Variants in SLC24A2 observed in about 807,000 individuals in gnomAD.
SLC24A2 encodes the protein sodium/potassium/calcium exchanger 2.
Under a neutral mutation model 62.0 loss-of-function variants are expected in SLC24A2, and 36 were observed. The observed-to-expected ratio is 0.58, with a 90% CI of 0.44 to 0.77. SLC24A2 has a LOEUF of 0.77. Among genes scored for constraint, SLC24A2 ranks in the 30% least tolerant of loss-of-function variants. The pLI is 0.00. For synonymous variants in SLC24A2, 358 were observed against 294.0 expected, an observed-to-expected ratio of 1.22 and a Z score of -2.23; for missense variants, 846 against 817.9, an observed-to-expected ratio of 1.03 and a Z score of -0.42.
At chr9:20,108,591 C>T in the SLC24A2 span, among the ~76,000 whole-genome samples, 44 of 151,784 alleles carry the variant, frequency 2.9e-4, no homozygotes, top group South Asian at 5.0e-3. Flanking sequence ...AGTAAACTAT[C>T]GCAAGAACAA....
chr9:19,714,661 T>C (rs958579397), intron 2 of SLC24A2, among the ~76,000 whole-genome samples: 3 of 152,172 alleles, frequency 2.0e-5, no homozygotes, highest in East Asian at 3.9e-4. Flanking sequence ...ATTTAAGATA[T>C]ACAACATGAT....
chr9:20,113,983 C>G, the SLC24A2 span, among the ~76,000 whole-genome samples: 1 of 152,120 alleles, frequency 6.6e-6, no homozygotes, highest in Non-Finnish European at 1.5e-5. Flanking sequence ...ATGATTGCCC[C>G]CACTTTTTGC....
chr9:19,526,070 C>T (rs936767395), intron 9 of SLC24A2, among the ~76,000 whole-genome samples: 5 of 152,142 alleles, frequency 3.3e-5, no homozygotes, highest in East Asian at 3.9e-4. Context: ...ATAGATTTGC[C>T]TGTTCTGTAT....
chr9:19,530,029 A>G (rs901713205), intron 8 of SLC24A2, among the ~76,000 whole-genome samples: 1 of 151,042 alleles, frequency 6.6e-6, no homozygotes, highest in East Asian at 1.9e-4. Flanking sequence ...CTAGGATTAC[A>G]GGTGTAAGCC....
the SLC24A2 span, among the ~76,000 whole-genome samples, chr9:20,259,584 G>C: frequency 0.025 from 3,871 of 152,220 alleles, 171 homozygotes; most frequent in African/African-American, 0.089. Flanking sequence ...GTTTGGGACA[G>C]AGTCAGAGAC....
At chr9:20,167,207 T>C in the SLC24A2 span, among the ~76,000 whole-genome samples, 1 of 152,118 alleles carries the variant, frequency 6.6e-6, no homozygotes, top group Non-Finnish European at 1.5e-5. Flanking sequence ...AGACTTTGAC[T>C]GTATACATTC....
the SLC24A2 span, among the ~76,000 whole-genome samples, chr9:20,242,566 G>C: frequency 6.3e-4 from 96 of 152,290 alleles, no homozygotes; most frequent in African/African-American, 2.3e-3. Flanking sequence ...GTGAGTGCAG[G>C]GAAGGGCAGG....
the SLC24A2 span, among the ~76,000 whole-genome samples, chr9:19,867,018 G>A: frequency 1.3e-5 from 2 of 152,132 alleles, no homozygotes; most frequent in South Asian, 4.2e-4. Context: ...GGTGACCATG[G>A]TCAATAATAA....
intron 9 of SLC24A2, among the ~76,000 whole-genome samples, chr9:19,527,000 G>A (rs1833475401): frequency 6.6e-6 from 1 of 151,970 alleles, no homozygotes; most frequent in South Asian, 2.1e-4. Flanking sequence ...ACTATGATGT[G>A]CTTTCAGTTA....
At chr9:19,591,606 T>C (rs1836554567) in intron 5 of SLC24A2, among the ~76,000 whole-genome samples, 1 of 152,184 alleles carries the variant, frequency 6.6e-6, no homozygotes, top group Non-Finnish European at 1.5e-5. Context: ...TGACCCTTCC[T>C]CCTTCCAAGA....
At chr9:19,841,924 A>G in the SLC24A2 span, among the ~76,000 whole-genome samples, 1 of 152,206 alleles carries the variant, frequency 6.6e-6, no homozygotes, top group African/African-American at 2.4e-5. Flanking sequence ...GAGGCTAAGC[A>G]TGGGCTTAAC....
chr9:20,304,400 G>A, the SLC24A2 span, among the ~76,000 whole-genome samples: 1 of 152,130 alleles, frequency 6.6e-6, no homozygotes, highest in Non-Finnish European at 1.5e-5. Context: ...AGAGTCCATT[G>A]TAATAAACAC....
chr9:19,516,476 T>C lies in SLC24A2; in HGVS notation c.1737-74A>G, dbSNP rs1410861839. Reference sequence around the variant, plus strand: ...AGTCAGACACGTTGAAGAAGGCAAATATAACCTATTATTACCTTCTCAGGA... The same window carrying C: ...AGTCAGACACGTTGAAGAAGGCAAACATAACCTATTATTACCTTCTCAGGA... On this transcript the variant is annotated intron_variant, in intron 10 of 10. Transcript: ENST00000341998. The C allele has an allele frequency of 3.3e-6, 5 of 1,506,842 alleles. No individual in the cohort carries two copies. In the East Asian group the frequency reaches 1.2e-4, roughly 35 times the overall value. 93.3% of individuals were successfully genotyped at this position (1,506,842 alleles called of 1,614,324 possible).
At chr9:19,959,264 T>C in the SLC24A2 span, among the ~76,000 whole-genome samples, 1 of 152,136 alleles carries the variant, frequency 6.6e-6, no homozygotes, top group Admixed American at 6.6e-5. Flanking sequence ...ATCCTCCCAA[T>C]TGTGGCATGC....
At chr9:19,617,411 T>G (rs1364871358) in intron 4 of SLC24A2, among the ~76,000 whole-genome samples, 1 of 152,214 alleles carries the variant, frequency 6.6e-6, no homozygotes, top group Admixed American at 6.5e-5. Flanking sequence ...TTGTGCATCC[T>G]ATCAGCAAAA....
At chr9:19,596,159 G>A (rs1226217087) in intron 5 of SLC24A2, among the ~76,000 whole-genome samples, 1 of 152,310 alleles carries the variant, frequency 6.6e-6, no homozygotes, top group South Asian at 2.1e-4. Context: ...CTCTTGCCCG[G>A]GGTTGTCAGA....
intron 2 of SLC24A2, among the ~76,000 whole-genome samples, chr9:19,707,109 C>G (rs1408575391): frequency 6.6e-6 from 1 of 151,682 alleles, no homozygotes; most frequent in African/African-American, 2.4e-5. Context: ...AAACTACCAT[C>G]AGAGAATACT....
chr9:20,097,914 TTGTATTTTTAG>T, the SLC24A2 span, among the ~76,000 whole-genome samples: 21 of 151,734 alleles, frequency 1.4e-4, no homozygotes, highest in South Asian at 2.5e-3. Context: ...GGCTAATTTT[TTGTATTTTTAG>T]TAGAGACGGG....
At chr9:19,556,102 G>C (rs905741388) in intron 7 of SLC24A2, among the ~76,000 whole-genome samples, 1 of 152,194 alleles carries the variant, frequency 6.6e-6, no homozygotes, top group East Asian at 1.9e-4. Flanking sequence ...AGTTTCACGG[G>C]TCACTCAGCA....
Sources: gnomAD v4.1 joint callset for allele counts (sites outside exome capture counted in the v4.1 genomes callset) on GRCh38, gnomAD v4.1.1 for gene constraint, MANE v1.5 for transcripts, NCBI Gene and HGNC (gene_info 2026-07-23, HGNC 2026-07-21) for gene names.